Variants in WDR73 observed in about 807,000 individuals in gnomAD.
WDR73 encodes the protein WD repeat domain 73.
In WDR73, 30 loss-of-function variants were observed where a neutral mutation model predicts 38.2. The ratio of observed to expected loss-of-function variants is 0.79; its 90% confidence interval spans 0.59 to 1.06. WDR73 has a LOEUF of 1.06. Among genes scored for constraint, WDR73 ranks in the 50% least tolerant of loss-of-function variants. The pLI is 0.00. For missense variants in WDR73, 487 were observed against 467.0 expected, an observed-to-expected ratio of 1.04 and a Z score of -0.40; for synonymous variants, 197 against 176.0, an observed-to-expected ratio of 1.12 and a Z score of -0.94.
In WDR73 at chr15:84,643,273, C is replaced by T. The variant is rs180743682; in HGVS notation, c.*197G>A. On this transcript the variant is annotated 3_prime_UTR_variant, in exon 8 of 8. Transcript: ENST00000434634. ...TATGCCATGCGTTTCTTCTAACCTT[C>T]GCAATATCACTACGAGGTAGTTCTT... is the stretch of plus-strand genomic sequence containing the variant. 467 of 631,934 alleles carry T rather than the reference C, an allele frequency of 7.4e-4. 1 individual carries two copies. The highest frequency in any genetic ancestry group is 1.1e-3 in the Non-Finnish European group (397 of 370,686). The allele number at this position is 631,934 out of a possible 1,614,324, so 39.1% of individuals were successfully genotyped here.
chr15:84,651,938 G>A (rs936907766), intron 3 of WDR73, among the ~76,000 whole-genome samples: 8 of 152,118 alleles, frequency 5.3e-5, no homozygotes, highest in African/African-American at 1.9e-4. Context: ...CACGATCTCA[G>A]CTCACTACAA....
At chr15:84,646,125 GTT>G in intron 6 of WDR73, 57 bp downstream of exon 6, 1 of 1,609,814 alleles carries the variant, frequency 6.2e-7, no homozygotes. Context: ...TAGTGGCTGA[GTT>G]GGGCTGGGGG....
chr15:84,643,710 T>C lies in WDR73; in HGVS notation c.897A>G (p.Thr299=). ...NCLAISGFDG[T]VQVYDATSWD... is the part of the protein sequence containing the mutation. ...AAGATGTGGCATCATAGACCTGGAC[T>C]GTACCATCAAAACCTGAGAATACAG... The change falls in exon 8 of 8, where the codon ACA becomes ACG. Residue 299 remains threonine, a synonymous_variant. Coordinates refer to ENST00000434634, the MANE Select transcript of WDR73 (RefSeq NM_032856.5). 6.2e-7 allele frequency: 1 copy of C among 1,613,354 alleles called. No homozygotes were observed. The highest frequency in any genetic ancestry group is 8.5e-7 in the Non-Finnish European group (1 of 1,179,582).
intron 1 of WDR73, 150 bp downstream of exon 1, chr15:84,654,084 G>A (rs886586206): frequency 2.9e-6 from 3 of 1,027,130 alleles, no homozygotes; most frequent in Non-Finnish European, 4.4e-6. Context: ...TGGGGGCCTA[G>A]GCCCAGGCGG....
Position 84,645,339 on chromosome 15 carries a change from C to T in WDR73, c.883+132G>A, listed in dbSNP as rs1166255274. On this transcript the variant is annotated intron_variant, in intron 7 of 7. Transcript: ENST00000434634. ...CTGCCACTGAAGAACCTGGAGAGTT[C>T]GAATTTCTCTGTGAGCAACTTTAAC... The T allele has an allele frequency of 1.0e-5, 16 of 1,535,228 alleles. No individual in the cohort carries two copies. The East Asian group carries it at 1.2e-4, about 12-fold the overall frequency.
chr15:84,645,319 A>G, intron 7 of WDR73, 152 bp downstream of exon 7: 1 of 1,517,636 alleles, frequency 6.6e-7, no homozygotes, highest in Non-Finnish European at 8.9e-7. Context: ...AAGGCCTGCC[A>G]CTGAAGAACC....
chr15:84,644,276 A>T (rs1015529580), intron 7 of WDR73: 5 of 154,792 alleles, frequency 3.2e-5, no homozygotes, highest in Non-Finnish European at 5.7e-5. Flanking sequence ...GGGAAACAGA[A>T]GCCTTTGGAG....
chr15:84,643,416 G>C lies in WDR73; in HGVS notation c.*54C>G. Reference sequence around the variant, plus strand: ...ACTTGAGTCCTACATGAGCACCCTTGCTACTACAGCAGCTCCTCCCCTTTC... The same window carrying C: ...ACTTGAGTCCTACATGAGCACCCTTCCTACTACAGCAGCTCCTCCCCTTTC... On this transcript the variant is annotated 3_prime_UTR_variant, in exon 8 of 8. Coordinates refer to ENST00000434634, the MANE Select transcript of WDR73 (RefSeq NM_032856.5). 1 of 1,535,780 alleles carries C rather than the reference G, an allele frequency of 6.5e-7. No homozygotes were observed. The highest frequency in any genetic ancestry group is 8.8e-7 in the Non-Finnish European group (1 of 1,138,872).
At chr15:84,652,937 C>T (rs1359780875) in intron 2 of WDR73, 135 bp from the exon 3 acceptor site, 55 of 558,900 alleles carry the variant, frequency 9.8e-5, no homozygotes, top group Non-Finnish European at 9.6e-6. Context: ...GTGTCTTTTT[C>T]AGACAAGGTC....
Position 84,641,388 on chromosome 15 carries a change from T to C in WDR73, c.*2082A>G, listed in dbSNP as rs1455410667. ...ACTCAGTGCACCCAGTTTACTATTC[T>C]GTGGTGTGGAAAGCACAGGACTTGA... On this transcript the variant is annotated 3_prime_UTR_variant, in exon 8 of 8. Coordinates refer to ENST00000434634, the MANE Select transcript of WDR73 (RefSeq NM_032856.5). The C allele has an allele frequency of 6.6e-6, 1 of 152,234 alleles. No homozygotes were observed. The highest frequency in any genetic ancestry group is 1.9e-4 in the East Asian group (1 of 5,202). 9.4% of individuals were successfully genotyped at this position (152,234 alleles called of 1,614,324 possible).
At chr15:84,652,830 A>G (rs909117973) in intron 2 of WDR73, 28 bp from the exon 3 acceptor site, 19 of 1,410,044 alleles carry the variant, frequency 1.3e-5, no homozygotes, top group Non-Finnish European at 1.8e-5. Flanking sequence ...GGTAGCTGTC[A>G]CAAATTGTTA....
At position 84,643,388 on chromosome 15, in the gene WDR73, GTCACTTGAGTCC is replaced by G; in HGVS notation, c.*70_*81del. ...ACACAGCTGGTAACAGGGACTGGTA[GTCACTTGAGTCC>G]TACATGAGCACCCTTGCTACTACAG... On this transcript the variant is annotated 3_prime_UTR_variant, in exon 8 of 8. Transcript: ENST00000434634. The G allele has an allele frequency of 6.7e-7, 1 of 1,486,684 alleles. No homozygotes were observed. The highest frequency in any genetic ancestry group is 9.0e-7 in the Non-Finnish European group (1 of 1,108,784). The allele number at this position is 1,486,684 out of a possible 1,614,324, so 92.1% of individuals were successfully genotyped here.
At chr15:84,646,462 C>T (rs750267607) in intron 5 of WDR73, 114 bp from the exon 6 acceptor site, 1 of 1,473,144 alleles carries the variant, frequency 6.8e-7, no homozygotes, top group South Asian at 1.4e-5. Flanking sequence ...AAAGGAGCTG[C>T]CGGCTGGCAA....
At position 84,645,337 on chromosome 15, in the gene WDR73, T is replaced by C. The variant is rs527988247; in HGVS notation, c.883+134A>G. ...GCCTGCCACTGAAGAACCTGGAGAG[T>C]TCGAATTTCTCTGTGAGCAACTTTA... On this transcript the variant is annotated intron_variant, in intron 7 of 7. Coordinates refer to ENST00000434634, the MANE Select transcript of WDR73 (RefSeq NM_032856.5). The C allele has an allele frequency of 1.6e-5, 24 of 1,533,262 alleles. No homozygotes were observed. In the African/African-American group the frequency reaches 3.2e-4, roughly 20 times the overall value. The allele number at this position is 1,533,262 out of a possible 1,614,324, so 95.0% of individuals were successfully genotyped here. A position where few individuals can be genotyped will look rare whatever the true frequency, so the allele number is the denominator to read the frequency against.
chr15:84,648,594 C>T lies in WDR73; in HGVS notation c.230G>A (p.Arg77His), dbSNP rs764013056. Residue 77 changes from arginine (R) to histidine (H), a missense_variant, in exon 4 of 8, where the codon CGC becomes CAC. Transcript: ENST00000434634. Reference sequence around the variant, plus strand: ...AGACCTGTCTGAAAATCCTCCATGGCGCACTTTGAAATCTCTTTCTGGGAA... The same window carrying T: ...AGACCTGTCTGAAAATCCTCCATGGTGCACTTTGAAATCTCTTTCTGGGAA... ...GLFPERDFKV[R>H]HGGFSDRSIF... The T allele has an allele frequency of 9.9e-6, 16 of 1,613,754 alleles. No individual in the cohort carries two copies. Among genetic ancestry groups the T allele is most frequent in the East Asian group, 8.9e-5 (4 of 44,900 alleles).
chr15:84,643,344 G>T lies in WDR73; in HGVS notation c.*126C>A. Reference sequence around the variant, plus strand: ...AAGGAAACTGAGGCTAAGTGACGCTGGCAGACTTGCCCAAGGCCACACAGC... The same window carrying T: ...AAGGAAACTGAGGCTAAGTGACGCTTGCAGACTTGCCCAAGGCCACACAGC... On this transcript the variant is annotated 3_prime_UTR_variant, in exon 8 of 8. Transcript: ENST00000434634. The T allele has an allele frequency of 8.4e-7, 1 of 1,184,938 alleles. No homozygotes were observed. Among genetic ancestry groups the T allele is most frequent in the Non-Finnish European group, 1.2e-6 (1 of 859,068 alleles). 73.4% of individuals were successfully genotyped at this position (1,184,938 alleles called of 1,614,324 possible). A position where few individuals can be genotyped will look rare whatever the true frequency, so the allele number is the denominator to read the frequency against.
At position 84,643,684 on chromosome 15, in the gene WDR73, C is replaced by G. The variant is rs1422295339; in HGVS notation, c.923G>C (p.Trp308Ser). The change falls in exon 8 of 8, where the codon TGG becomes TCG. Residue 308 changes from tryptophan to serine, a missense_variant. Transcript: ENST00000434634. ...TCCATCTTGGCTCCGTGTTCCATCC[C>G]AAGATGTGGCATCATAGACCTGGAC... ...GTVQVYDATS[W>S]DGTRSQDGTR... is the part of the protein sequence containing the mutation. The G allele has an allele frequency of 6.2e-7, 1 of 1,611,730 alleles. No individual in the cohort carries two copies. Among genetic ancestry groups the G allele is most frequent in the South Asian group, 1.1e-5 (1 of 90,594 alleles).
In WDR73 at chr15:84,653,385, G is replaced by C. The variant is rs1596057136; in HGVS notation, c.109+247C>G. 3 of 399,700 alleles carry C rather than the reference G, an allele frequency of 7.5e-6. No homozygotes were observed. The East Asian group carries it at 1.6e-4, about 21-fold the overall frequency. 24.8% of individuals were successfully genotyped at this position (399,700 alleles called of 1,614,324 possible). On this transcript the variant is annotated intron_variant, in intron 2 of 7. Coordinates refer to ENST00000434634, the MANE Select transcript of WDR73 (RefSeq NM_032856.5). The stretch of plus-strand genomic sequence containing the variant: ...GGGTTTCACCATGTTGGCCAGACTG[G>C]TCTCGAACTCCTGACCTCAGGTGAT...
rs1896260109 is a variant in WDR73, at chr15:84,641,666, C to T, written c.*1804G>A. 1 of 152,012 alleles carries T rather than the reference C, an allele frequency of 6.6e-6. No homozygotes were observed. The highest frequency in any genetic ancestry group is 1.5e-5 in the Non-Finnish European group (1 of 68,020). The allele number at this position is 152,012 out of a possible 1,614,324, so 9.4% of individuals were successfully genotyped here. A position where few individuals can be genotyped will look rare whatever the true frequency, so the allele number is the denominator to read the frequency against. On this transcript the variant is annotated 3_prime_UTR_variant, in exon 8 of 8. Transcript: ENST00000434634. ...GTAGTGGGGATTACAGGTGTGCCAC[C>T]ACCATGCCCGTCTCTAATTTTTATA... is the stretch of plus-strand genomic sequence containing the variant.
Sources: allele counts gnomAD v4.1 joint callset (sites outside exome capture counted in the v4.1 genomes callset), GRCh38; gene constraint gnomAD v4.1.1; transcripts MANE v1.5; gene names NCBI Gene and HGNC (gene_info 2026-07-23, HGNC 2026-07-21).